The following CEP170 variants were observed in gnomAD, a reference collection of about 807,000 sequenced individuals.
The protein encoded by CEP170 is centrosomal protein of 170 kDa.
In CEP170, 21 loss-of-function variants were observed where a neutral mutation model predicts 151.9. That is an observed-to-expected ratio of 0.14 (90% CI 0.10 to 0.20). The LOEUF is 0.20. Among genes scored for constraint, CEP170 ranks in the 10% least tolerant of loss-of-function variants. The probability of loss-of-function intolerance (pLI) is 1.00; values close to 1 mark genes in which losing one functional copy is unlikely to be tolerated. For missense variants in CEP170, 964 were observed against 1,892.9 expected (o/e 0.51, Z 9.11); for synonymous variants, 356 against 648.8 (o/e 0.55, Z 6.86).
At chr1:243,137,342 GC>G (rs2055214088) in intron 16 of CEP170, among the ~76,000 whole-genome samples, 1 of 152,154 alleles carries the variant, frequency 6.6e-6, no homozygotes, top group African/African-American at 2.4e-5. Context: ...AGAAAATAAG[GC>G]CCTAGAAGGC....
chr1:243,241,278 G>T (rs77824678), intron 1 of CEP170, among the ~76,000 whole-genome samples: 3,668 of 152,268 alleles, frequency 0.024, 149 homozygotes, highest in African/African-American at 0.082. Flanking sequence ...TACAAAACTA[G>T]AATGTGCAAA....
chr1:243,236,774 T>C (rs1296670515), intron 1 of CEP170, among the ~76,000 whole-genome samples: 1 of 152,200 alleles, frequency 6.6e-6, no homozygotes, highest in African/African-American at 2.4e-5. Flanking sequence ...GACCTGAAAC[T>C]GTCTACAGGA....
intron 2 of CEP170, 85 bp downstream of exon 2, chr1:243,225,090 GC>G (rs1442700575): frequency 1.5e-6 from 1 of 670,622 alleles, no homozygotes; most frequent in East Asian, 3.3e-5. Context: ...AATCTAAATA[GC>G]ACTGTTTTCT....
chr1:243,231,190 C>CATCATCATCATT (rs368164323), intron 1 of CEP170, among the ~76,000 whole-genome samples: 174 of 124,952 alleles, frequency 1.4e-3, no homozygotes, highest in Admixed American at 4.1e-3. Flanking sequence ...TCATCATCAT[C>CATCATCATCATT]ATTATTATTA....
intron 1 of CEP170, among the ~76,000 whole-genome samples, chr1:243,231,099 GAA>G (rs35952661): frequency 8.8e-5 from 13 of 147,404 alleles, no homozygotes; most frequent in South Asian, 8.5e-4. Context: ...GAAAGGAGAA[GAA>G]AAAAAAAAAC....
At chr1:243,178,921 T>G (rs1233759054) in intron 10 of CEP170, among the ~76,000 whole-genome samples, 1 of 152,176 alleles carries the variant, frequency 6.6e-6, no homozygotes, top group Non-Finnish European at 1.5e-5. Context: ...GGTTTCACCG[T>G]GTTAGCCAGG....
intron 1 of CEP170, among the ~76,000 whole-genome samples, chr1:243,249,942 G>A (rs189090864): frequency 9.9e-4 from 151 of 152,236 alleles, no homozygotes; most frequent in Admixed American, 1.8e-3. Flanking sequence ...TTAGCCGGGC[G>A]TGCCTGTAGT....
intron 4 of CEP170, among the ~76,000 whole-genome samples, chr1:243,210,608 A>ATTTTTTTTTTTTTT (rs751388751): frequency 4.4e-5 from 3 of 67,958 alleles, no homozygotes; most frequent in African/African-American, 5.9e-5. Context: ...ATTTTTCGTA[A>ATTTTTTTTTTTTTT]TTTTTTTTTT....
Position 243,225,216 on chromosome 1 carries a change from A to T in CEP170, c.65T>A (p.Met22Lys). 1 of 1,602,406 alleles carries T rather than the reference A, an allele frequency of 6.2e-7. No individual in the cohort carries two copies. The highest frequency in any genetic ancestry group is 8.5e-7 in the Non-Finnish European group (1 of 1,175,096). ...GGTRHRLPRE[M>K]IFVGRDDCEL... ...ACAGTCATCTCTTCCAACAAAAATC[A>T]TTTCTCGTGGCAGCCTGTGGCGAGT... Residue 22 changes from methionine (M) to lysine (K), a missense_variant, in exon 2 of 20, where the codon ATG (methionine) becomes AAG (lysine). Coordinates refer to ENST00000366542, the MANE Select transcript of CEP170 (RefSeq NM_014812.3).
chr1:243,159,763 T>TGTGTGTGTGTGTGTGTGTGTGTGTG (rs2057892319), intron 13 of CEP170, among the ~76,000 whole-genome samples: 22 of 127,160 alleles, frequency 1.7e-4, no homozygotes, highest in Middle Eastern at 4.3e-3. Flanking sequence ...GTTTCCGGTT[T>TGTGTGTGTGTGTGTGTGTGTGTGTG]TGTGTGTGTG....
rs1558646116 is a variant in CEP170, at chr1:243,226,150, CATGT to C, written c.-41-833_-41-830del. Among the ~76,000 whole-genome samples the C allele has an allele frequency of 2.3e-4, 26 of 114,904 alleles. 1 individual carries two copies. The East Asian group carries it at 5.9e-3, about 26-fold the overall frequency. The allele number at this position is 114,904 out of a possible 152,430, so 75.4% of individuals were successfully genotyped here. ...GTGTATATATGTGTATATATATGTACATGTCTATCTCTCTATAGATATATATATA... is the reference window on the plus strand; with the variant it reads ...GTGTATATATGTGTATATATATGTACCTATCTCTCTATAGATATATATATA... On this transcript the variant is annotated intron_variant, in intron 1 of 19. Transcript: ENST00000366542.
In CEP170 at chr1:243,225,031, C is replaced by CA. The variant is rs540623866; in HGVS notation, c.105+144dup. The CA allele has an allele frequency of 2.6e-3, 1,155 of 446,062 alleles. 3 individuals are homozygous for CA. Among genetic ancestry groups the CA allele is most frequent in the Non-Finnish European group, 3.9e-3 (1,005 of 259,526 alleles). 27.6% of individuals were successfully genotyped at this position (446,062 alleles called of 1,614,324 possible). On this transcript the variant is annotated intron_variant, in intron 2 of 19. Transcript: ENST00000366542. ...ACTTTTTTTAGATGATTCAAGGGGGCAAAAAATTAATTAGAATGATAGCTG... is the reference window on the plus strand; with the variant it reads ...ACTTTTTTTAGATGATTCAAGGGGGCAAAAAAATTAATTAGAATGATAGCTG...
Position 243,195,234 on chromosome 1 carries a change from C to CA in CEP170, c.632-3741dup, listed in dbSNP as rs570139024. ...GGATTAAAAATCAACATGAGAGAGC[C>CA]AAAAATCTATGATTCCCAGTTGCAC... On this transcript the variant is annotated intron_variant, in intron 7 of 19. Transcript: ENST00000366542. 2.3e-3 allele frequency among the ~76,000 whole-genome samples: 342 copies of CA among 151,400 alleles called. 2 individuals are homozygous for CA. Among genetic ancestry groups the CA allele is most frequent in the African/African-American group, 7.8e-3 (324 of 41,310 alleles).
intron 1 of CEP170, among the ~76,000 whole-genome samples, chr1:243,234,312 A>C (rs1248559875): frequency 6.6e-6 from 1 of 152,228 alleles, no homozygotes; most frequent in Non-Finnish European, 1.5e-5. Context: ...TCCATGTGAC[A>C]ACTTTTCTTT....
chr1:243,146,086 ACAC>A (rs2056452190), intron 14 of CEP170, among the ~76,000 whole-genome samples: 1 of 152,234 alleles, frequency 6.6e-6, no homozygotes, highest in Admixed American at 6.5e-5. Flanking sequence ...GGAAAATCAA[ACAC>A]CACATGTTCT....
At chr1:243,181,385 C>T (rs1321964938) in intron 10 of CEP170, among the ~76,000 whole-genome samples, 1 of 152,056 alleles carries the variant, frequency 6.6e-6, no homozygotes. Flanking sequence ...TTTGTGTTAA[C>T]ATTTTAAAGG....
At chr1:243,173,899 C>G (rs2059044310) in intron 10 of CEP170, among the ~76,000 whole-genome samples, 1 of 152,040 alleles carries the variant, frequency 6.6e-6, no homozygotes, top group Admixed American at 6.6e-5. Context: ...CTGTTCCTTC[C>G]CTAGCAAATG....
intron 1 of CEP170, among the ~76,000 whole-genome samples, chr1:243,244,560 C>T (rs571537497): frequency 4.5e-4 from 69 of 152,194 alleles, no homozygotes; most frequent in African/African-American, 1.6e-3. Context: ...CTGGGCAACA[C>T]GGTGAAACCC....
chr1:243,142,185 A>G, intron 15 of CEP170, 131 bp downstream of exon 15: 1 of 1,542,514 alleles, frequency 6.5e-7, no homozygotes, highest in Non-Finnish European at 8.7e-7. Context: ...GTTAAAGCAA[A>G]GTTGGAAAAT....
Sources: allele counts gnomAD v4.1 joint callset (sites outside exome capture counted in the v4.1 genomes callset), GRCh38; gene constraint gnomAD v4.1.1; transcripts MANE v1.5; gene names NCBI Gene and HGNC (gene_info 2026-07-23, HGNC 2026-07-21).